Variants in FGD3 observed in about 807,000 individuals in gnomAD.
FGD3 encodes FYVE, RhoGEF and PH domain containing 3, also known as FYVE, RhoGEF and PH domain-containing protein 3.
Under a neutral mutation model 71.8 loss-of-function variants are expected in FGD3, and 45 were observed. The ratio of observed to expected loss-of-function variants is 0.63; its 90% CI spans 0.49 to 0.80. The LOEUF (loss-of-function observed/expected upper bound fraction) is 0.80. FGD3 is among the 30% of genes least tolerant of loss of function. The pLI is 0.00. For missense variants in FGD3, 844 were observed against 951.5 expected, an observed-to-expected ratio of 0.89 and a Z score of 1.49; for synonymous variants, 378 against 392.8, an observed-to-expected ratio of 0.96 and a Z score of 0.44.
chr9:92,976,183 ACT>A (rs1323795366), intron 2 of FGD3, 23 bp from the exon 3 acceptor site: 1 of 1,372,940 alleles, frequency 7.3e-7, no homozygotes, highest in Non-Finnish European at 9.7e-7. Context: ...GCTAGCACTG[ACT>A]CTGGCTTGTT....
chr9:92,948,187 G>A (rs1236517492), intron 1 of FGD3, among the ~76,000 whole-genome samples: 2 of 151,756 alleles, frequency 1.3e-5, no homozygotes, highest in African/African-American at 2.4e-5. Flanking sequence ...TTGCCTGGGC[G>A]ATTGCCATGG....
intron 3 of FGD3, among the ~76,000 whole-genome samples, chr9:92,982,568 AT>A (rs34286084): frequency 1.6e-4 from 23 of 147,206 alleles, no homozygotes; most frequent in Middle Eastern, 3.5e-3. Context: ...GTATTCATTC[AT>A]TTTTTTTTTT....
rs115813997 is a variant in FGD3 at position 93,032,910 on chromosome 9, G to A, written c.1785+37G>A. The A allele has an allele frequency of 2.0e-4, 317 of 1,571,014 alleles. No homozygotes were observed. In the African/African-American group the frequency reaches 3.8e-3, roughly 19 times the overall value. On this transcript the variant is annotated intron_variant, in intron 16 of 17. Transcript: ENST00000375482. ...CAGCTCCTGCTCCCCTCCTGGTGGCGCGGCAGAGCCTCCAGACACCTGCTC... is the reference window on the plus strand; with the variant it reads ...CAGCTCCTGCTCCCCTCCTGGTGGCACGGCAGAGCCTCCAGACACCTGCTC...
intron 13 of FGD3, among the ~76,000 whole-genome samples, chr9:93,021,648 T>C (rs1357616258): frequency 6.6e-6 from 1 of 152,130 alleles, no homozygotes; most frequent in Non-Finnish European, 1.5e-5. Context: ...TCTCGCCGCC[T>C]GACCCAGACC....
chr9:92,983,924 G>A (rs1440773234), intron 3 of FGD3, among the ~76,000 whole-genome samples: 1 of 152,154 alleles, frequency 6.6e-6, no homozygotes, highest in African/African-American at 2.4e-5. Flanking sequence ...TACACATCTT[G>A]CATGTAAACT....
In FGD3 at chr9:93,006,165, C is replaced by T. The variant is rs369176438; in HGVS notation, c.822C>T (p.Val274=). 49 of 1,588,078 alleles carry T rather than the reference C, an allele frequency of 3.1e-5. No individual in the cohort carries two copies. The highest frequency in any genetic ancestry group is 3.8e-5 in the Non-Finnish European group (44 of 1,164,270). The part of the protein sequence containing the change: ...WTQRSPLFKD[V]VHSIQKQEVC... ...AGCGCTCCCCACTGTTTAAAGACGT[C>T]GTCCACAGCATCCAGGTAAGGCCGG... The change falls in exon 6 of 18, where the codon GTC becomes GTT. Residue 274 remains valine (V), a synonymous_variant. Coordinates refer to ENST00000375482, the MANE Select transcript of FGD3 (RefSeq NM_001083536.2).
chr9:92,949,873 C>T lies in FGD3; in HGVS notation c.-218+2144C>T, dbSNP rs558383270. ...TCCCTGTCCTGCTGGCCAAGGAGCC[C>T]TGTGCCTACCGGCAGAGGCTCAACT... is the stretch of plus-strand genomic sequence containing the variant. On this transcript the variant is annotated intron_variant, in intron 1 of 17. Transcript: ENST00000375482. Among the ~76,000 whole-genome samples the T allele has an allele frequency of 1.4e-3, 211 of 152,324 alleles. 5 individuals carry two copies. The highest frequency in any genetic ancestry group is 0.014 in the Admixed American group (207 of 15,310).
intron 10 of FGD3, 28 bp downstream of exon 10, chr9:93,015,857 GT>G: frequency 1.2e-6 from 2 of 1,605,560 alleles, no homozygotes; most frequent in Non-Finnish European, 1.7e-6. Context: ...TCTCAAACCT[GT>G]CCCCCTGGAA....
intron 3 of FGD3, among the ~76,000 whole-genome samples, chr9:92,981,508 T>TG (rs1859998509): frequency 6.6e-6 from 1 of 152,212 alleles, no homozygotes; most frequent in Non-Finnish European, 1.5e-5. Flanking sequence ...GAACATATAT[T>TG]GTGCTGTTTT....
intron 14 of FGD3, among the ~76,000 whole-genome samples, chr9:93,027,014 G>C (rs974484904): frequency 6.6e-5 from 10 of 152,256 alleles, no homozygotes; most frequent in Non-Finnish European, 1.3e-4. Context: ...TCCCCACCTA[G>C]TGTGCTTGGA....
intron 3 of FGD3, among the ~76,000 whole-genome samples, chr9:92,997,729 G>A (rs373742121): frequency 6.6e-6 from 1 of 152,110 alleles, no homozygotes. Flanking sequence ...TCCTTCACTT[G>A]TGAAGCTTAG....
At chr9:93,007,756 G>T (rs373544260) in intron 6 of FGD3, among the ~76,000 whole-genome samples, 2 of 152,228 alleles carry the variant, frequency 1.3e-5, no homozygotes, top group Admixed American at 1.3e-4. Flanking sequence ...TCTCCGCCTG[G>T]ACTCAGTACC....
chr9:92,994,194 A>T (rs1014304724), intron 3 of FGD3, among the ~76,000 whole-genome samples: 13 of 151,838 alleles, frequency 8.6e-5, no homozygotes, highest in African/African-American at 3.1e-4. Context: ...GGTGGTTTTG[A>T]TTTGCATTTC....
At chr9:92,999,155 C>G (rs1293123036) in intron 3 of FGD3, among the ~76,000 whole-genome samples, 1 of 152,224 alleles carries the variant, frequency 6.6e-6, no homozygotes, top group African/African-American at 2.4e-5. Context: ...TGTTTACCTA[C>G]TCAAGCCTCA....
At chr9:93,019,745 G>A (rs1861842372) in intron 11 of FGD3, 86 bp from the exon 12 acceptor site, 20 of 1,287,334 alleles carry the variant, frequency 1.6e-5, no homozygotes, top group Middle Eastern at 1.8e-4. Context: ...TGCGTGGCTC[G>A]GGTGTGCTGC....
chr9:92,997,379 G>A (rs553217167), intron 3 of FGD3, among the ~76,000 whole-genome samples: 1 of 152,236 alleles, frequency 6.6e-6, no homozygotes, highest in East Asian at 1.9e-4. Context: ...CTGCACGTGA[G>A]ACGGGTCTCT....
At chr9:92,955,727 C>T (rs2118502694) in intron 1 of FGD3, among the ~76,000 whole-genome samples, 1 of 152,322 alleles carries the variant, frequency 6.6e-6, no homozygotes, top group Non-Finnish European at 1.5e-5. Flanking sequence ...CTTTGATGTC[C>T]ACCTGCTCCC....
intron 14 of FGD3, among the ~76,000 whole-genome samples, chr9:93,029,663 G>C (rs1374481795): frequency 6.6e-6 from 1 of 152,200 alleles, no homozygotes; most frequent in African/African-American, 2.4e-5. Flanking sequence ...ATCTTTACTC[G>C]GTGCCATGGG....
At chr9:93,019,335 A>AATG (rs1861824762) in intron 11 of FGD3, among the ~76,000 whole-genome samples, 4 of 152,228 alleles carry the variant, frequency 2.6e-5, no homozygotes, top group Non-Finnish European at 4.4e-5. Flanking sequence ...CCCACTGACG[A>AATG]GGACCTGCGC....
Sources: allele counts gnomAD v4.1 joint callset (sites outside exome capture counted in the v4.1 genomes callset), GRCh38; gene constraint gnomAD v4.1.1; transcripts MANE v1.5; gene names NCBI Gene and HGNC (gene_info 2026-07-23, HGNC 2026-07-21).